The following ALLC variants were observed in gnomAD, a reference collection of about 807,000 sequenced individuals.
ALLC encodes allantoicase, also known as probable inactive allantoicase.
In ALLC, 40 loss-of-function variants were observed where a neutral mutation model predicts 45.0. The ratio of observed to expected loss-of-function variants is 0.89; its 90% CI spans 0.69 to 1.16. The LOEUF is 1.16. ALLC is among the 50% of genes most tolerant of loss of function. The pLI, the probability that ALLC is intolerant of heterozygous loss-of-function variation, is 0.00. For missense variants in ALLC, 488 were observed against 493.1 expected (o/e 0.99, Z 0.10); for synonymous variants, 176 against 178.1 (o/e 0.99, Z 0.09).
chr2:3,667,548 C>G (rs573063572), intron 1 of ALLC, among the ~76,000 whole-genome samples: 39 of 152,350 alleles, frequency 2.6e-4, no homozygotes, highest in African/African-American at 9.1e-4. Flanking sequence ...CTTACTTGAT[C>G]TGTCAAAGAC....
intron 1 of ALLC, among the ~76,000 whole-genome samples, chr2:3,662,640 G>A (rs1666602611): frequency 6.6e-6 from 1 of 152,156 alleles, no homozygotes; most frequent in African/African-American, 2.4e-5. Flanking sequence ...ATGTGAAAGT[G>A]TGTTATGTGT....
chr2:3,697,621 G>GTCTATCTA (rs201211524), intron 10 of ALLC, among the ~76,000 whole-genome samples, 165 bp downstream of exon 10: 3,951 of 125,386 alleles, frequency 0.032, 73 homozygotes, highest in South Asian at 0.046. Context: ...CTGTCTGTCT[G>GTCTATCTA]TCTATCTATC....
In ALLC at chr2:3,680,889, A is replaced by T. The variant is rs1053923441; in HGVS notation, c.299-745A>T. The stretch of plus-strand genomic sequence containing the variant: ...GGATTGAGGCTAATCAGACATTGAC[A>T]TGGCAGATTCGCATCCAAGATGGAG... On this transcript the variant is annotated intron_variant, in intron 5 of 11. Transcript: ENST00000252505. This position sits in a 1 kb window ranked among gnomAD's most constrained non-coding sequence, Gnocchi z 4.0. 3.5e-4 allele frequency among the ~76,000 whole-genome samples: 54 copies of T among 152,332 alleles called. No individual in the cohort carries two copies. The highest frequency in any genetic ancestry group is 1.3e-3 in the African/African-American group (53 of 41,580).
chr2:3,701,238 G>A (rs937643496), intron 10 of ALLC, among the ~76,000 whole-genome samples: 4 of 152,148 alleles, frequency 2.6e-5, no homozygotes, highest in Admixed American at 2.6e-4. Flanking sequence ...AAGTGAGAAC[G>A]CTATACATGC....
chr2:3,682,123 GTTTA>G (rs1382107138), intron 6 of ALLC, among the ~76,000 whole-genome samples: 2 of 152,160 alleles, frequency 1.3e-5, no homozygotes, highest in Non-Finnish European at 2.9e-5. Context: ...TTTTTTTAAT[GTTTA>G]TTTAGTAATA....
At chr2:3,696,027 T>C (rs1667657183) in intron 8 of ALLC, among the ~76,000 whole-genome samples, 155 bp downstream of exon 8, 2 of 152,258 alleles carry the variant, frequency 1.3e-5, no homozygotes, top group African/African-American at 4.8e-5. Flanking sequence ...GATGCCTTTA[T>C]GACATGAAAT....
rs953806481 is a variant in ALLC, at chr2:3,679,846, C to T, written c.173-23C>T. ...TGCTGTGTTGGCCCTAACGAGACTG[C>T]TCTTGTCCTCTGTGTTGCGCAGGTC... is the stretch of plus-strand genomic sequence containing the variant. On this transcript the variant is annotated intron_variant, in intron 4 of 11. Transcript: ENST00000252505. The T allele has an allele frequency of 5.0e-6, 8 of 1,613,224 alleles. 1 individual carries two copies. The Admixed American group carries it at 8.3e-5, about 17-fold the overall frequency.
intron 10 of ALLC, 76 bp downstream of exon 10, chr2:3,697,532 C>G: frequency 8.4e-7 from 1 of 1,186,880 alleles, no homozygotes; most frequent in East Asian, 2.3e-5. Flanking sequence ...GGAAGTGGGA[C>G]TGAGGACACT....
At chr2:3,672,605 TTCTGGTTAGATAGGAGGTCCTCTGGC>T (rs1666915261) in intron 2 of ALLC, among the ~76,000 whole-genome samples, 4 of 57,464 alleles carry the variant, frequency 7.0e-5, no homozygotes, top group African/African-American at 8.4e-5. Context: ...GGTCCTCTGG[TTCTGGTTAGATAGGAGGTCCTCTGGC>T]TCTGGTTAGA....
the ALLC span, among the ~76,000 whole-genome samples, chr2:3,652,125 G>T: frequency 6.6e-6 from 1 of 152,230 alleles, no homozygotes; most frequent in African/African-American, 2.4e-5. Context: ...CCGGAGCCCC[G>T]CCTCGGTGCG....
chr2:3,685,320 G>C (rs1667304800), intron 7 of ALLC, among the ~76,000 whole-genome samples: 1 of 145,198 alleles, frequency 6.9e-6, no homozygotes, highest in Non-Finnish European at 1.5e-5. Context: ...ACAAACAAAA[G>C]AGGTTTAATT....
chr2:3,646,658 G>C, the ALLC span, among the ~76,000 whole-genome samples: 1 of 152,184 alleles, frequency 6.6e-6, no homozygotes. Flanking sequence ...CCAGGCTTTT[G>C]CTTCATTGGC....
intron 7 of ALLC, chr2:3,688,874 AATGAAGGCATCATTG>A (rs1667401035): frequency 5.7e-6 from 1 of 174,214 alleles, no homozygotes; most frequent in Admixed American, 5.5e-5. Context: ...AGTTGAGGTC[AATGAAGGCATCATTG>A]ATGATGACAA....
Position 3,680,313 on chromosome 2 carries a change from GT to G in ALLC, c.298+320del, listed in dbSNP as rs1289040419. On this transcript the variant is annotated intron_variant, in intron 5 of 11. Coordinates refer to ENST00000252505, the MANE Select transcript of ALLC (RefSeq NM_018436.4). This position sits in a 1 kb window ranked among gnomAD's most constrained non-coding sequence, Gnocchi z 4.0. ...GCTGGTGGGCGGGAGGGAGTGGTTT[GT>G]GCCTCAGATGACCCGGGTGATGTGG... Among the ~76,000 whole-genome samples the G allele has an allele frequency of 1.3e-5, 2 of 152,174 alleles. No homozygotes were observed. The highest frequency in any genetic ancestry group is 2.9e-5 in the Non-Finnish European group (2 of 68,022).
intron 8 of ALLC, 150 bp downstream of exon 8, chr2:3,696,022 C>A: frequency 9.8e-7 from 1 of 1,017,302 alleles, no homozygotes. Flanking sequence ...GATTTGATGC[C>A]TTTATGACAT....
chr2:3,664,280 C>A (rs1666641693), intron 1 of ALLC, among the ~76,000 whole-genome samples: 1 of 152,218 alleles, frequency 6.6e-6, no homozygotes, highest in African/African-American at 2.4e-5. Flanking sequence ...TGAAACTTAT[C>A]TCTATGGTGG....
chr2:3,646,341 T>A, the ALLC span, among the ~76,000 whole-genome samples: 1 of 152,160 alleles, frequency 6.6e-6, no homozygotes, highest in Non-Finnish European at 1.5e-5. Context: ...AGTAACAAAG[T>A]CCTTTATCTC....
At chr2:3,673,575 A>T (rs937240571) in intron 2 of ALLC, among the ~76,000 whole-genome samples, 1 of 152,148 alleles carries the variant, frequency 6.6e-6, no homozygotes, top group Non-Finnish European at 1.5e-5. Context: ...AATCTGATTT[A>T]CCTTGTATTC....
At chr2:3,669,077 A>G (rs1666799241) in intron 1 of ALLC, among the ~76,000 whole-genome samples, 1 of 151,778 alleles carries the variant, frequency 6.6e-6, no homozygotes, top group Non-Finnish European at 1.5e-5. Context: ...TGGCTCACAC[A>G]TGTAATCCCA....
Sources: gnomAD v4.1 joint callset for allele counts (sites outside exome capture counted in the v4.1 genomes callset) on GRCh38, gnomAD v4.1.1 for gene constraint, Gnocchi (gnomAD v3.1) non-coding constraint, MANE v1.5 for transcripts, NCBI Gene and HGNC (gene_info 2026-07-23, HGNC 2026-07-21) for gene names.